Variants in C12orf42 observed in about 807,000 individuals in gnomAD.
C12orf42 encodes chromosome 12 open reading frame 42.
C12orf42 carries 25 observed loss-of-function variants against 21.6 expected under a neutral mutation model. The observed-to-expected ratio is 1.16, with a 90% CI of 0.84 to 1.62. The LOEUF (loss-of-function observed/expected upper bound fraction) is 1.62, where lower values mean the gene tolerates loss of function less well. C12orf42 is among the 40% of genes most tolerant of loss of function. The pLI, the probability that C12orf42 is intolerant of heterozygous loss-of-function variation, is 0.00. For synonymous variants in C12orf42, 174 were observed against 175.0 expected (o/e 0.99, Z 0.05); for missense variants, 483 against 459.3 (o/e 1.05, Z -0.47).
the C12orf42 span, among the ~76,000 whole-genome samples, chr12:103,060,631 T>C: frequency 2.0e-5 from 3 of 152,200 alleles, no homozygotes; most frequent in East Asian, 3.9e-4. Context: ...AACAGATATA[T>C]AGACCAATGG....
the C12orf42 span, among the ~76,000 whole-genome samples, chr12:103,141,253 T>C: frequency 1.3e-5 from 2 of 151,696 alleles, no homozygotes; most frequent in South Asian, 2.1e-4. Context: ...AAAAGAGAGA[T>C]TGGGGACAAT....
the C12orf42 span, among the ~76,000 whole-genome samples, chr12:103,209,908 T>C: frequency 1.8e-4 from 27 of 152,178 alleles, no homozygotes; most frequent in African/African-American, 6.5e-4. Flanking sequence ...AAATTTTGCT[T>C]TGATCAAAGA....
At chr12:103,180,772 G>A in the C12orf42 span, among the ~76,000 whole-genome samples, 1 of 151,104 alleles carries the variant, frequency 6.6e-6, no homozygotes, top group African/African-American at 2.4e-5. Flanking sequence ...GGGATTACAG[G>A]CATGTGCCAC....
chr12:103,121,974 T>TTATG, the C12orf42 span, among the ~76,000 whole-genome samples: 2 of 152,236 alleles, frequency 1.3e-5, no homozygotes, highest in African/African-American at 4.8e-5. Flanking sequence ...CCTCATTTTG[T>TTATG]TATGTATAGA....
chr12:103,505,551 A>T, the C12orf42 span: 2 of 373,570 alleles, frequency 5.4e-6, no homozygotes, highest in Non-Finnish European at 1.0e-5. Flanking sequence ...AGAAATGAAC[A>T]CATCTGAATG....
At chr12:103,253,825 G>GT (rs60659041) in intron 10 of C12orf42, among the ~76,000 whole-genome samples, 45,775 of 149,050 alleles carry the variant, frequency 0.31, 6,923 homozygotes, top group South Asian at 0.38. Flanking sequence ...TTTTTAATGG[G>GT]TTTTTTTTTT....
At chr12:103,068,934 C>CATATAT in the C12orf42 span, among the ~76,000 whole-genome samples, 26 of 48,130 alleles carry the variant, frequency 5.4e-4, no homozygotes, top group South Asian at 1.4e-3. Context: ...TCTCTCTCCA[C>CATATAT]ATATATATAT....
In C12orf42 at chr12:103,306,075, G is replaced by A; in HGVS notation, c.530C>T (p.Ala177Val). Residue 177 changes from alanine to valine, a missense_variant, in exon 5 of 6, where the codon GCA becomes GTA. By Grantham distance (64) the Ala-to-Val change is moderately conservative (BLOSUM62 0). Coordinates refer to ENST00000548883, the MANE Select transcript of C12orf42 (RefSeq NM_198521.5). ...LEQLVKKPNW[A>V]HSVNPVHLEA... is the part of the protein sequence containing the mutation. ...CAGGTGAACAGGATTTACTGAGTGT[G>A]CCCAGTTAGGCTTTTTAACCAGTTG... 6.2e-7 allele frequency: 1 copy of A among 1,613,978 alleles called. No homozygotes were observed.
rs1329565028 is a variant in C12orf42, at chr12:103,306,213, G to A, written c.392C>T (p.Pro131Leu). Reference sequence around the variant, plus strand: ...CTCATCAGTTTCACTGGATGGTGCTGGAGAGGAACGGAATTCTTCATAGCT... The same window carrying A: ...CTCATCAGTTTCACTGGATGGTGCTAGAGAGGAACGGAATTCTTCATAGCT... ...EESYEEFRSS[P>L]APSSETDEAP... The change falls in exon 5 of 6, where the codon CCA (proline) becomes CTA (leucine). Residue 131 changes from proline (P) to leucine (L), a missense_variant. Physicochemically the swap from Pro to Leu is moderately conservative, Grantham distance 98 (BLOSUM62 -3). Transcript: ENST00000548883. The A allele has an allele frequency of 6.2e-7, 1 of 1,613,804 alleles. No homozygotes were observed. The highest frequency in any genetic ancestry group is 2.2e-5 in the East Asian group (1 of 44,894).
the C12orf42 span, among the ~76,000 whole-genome samples, chr12:103,220,342 GTAT>G: frequency 1.3e-5 from 2 of 151,904 alleles, no homozygotes; most frequent in South Asian, 4.1e-4. Context: ...ATGTGTATAC[GTAT>G]GTAACAAACC....
At chr12:103,434,507 G>A (rs1210171240) in intron 2 of C12orf42, among the ~76,000 whole-genome samples, 1 of 152,148 alleles carries the variant, frequency 6.6e-6, no homozygotes, top group Non-Finnish European at 1.5e-5. Flanking sequence ...ATCTCACTAG[G>A]GAGTGCCAGA....
At chr12:103,316,265 A>AC (rs1297396183) in intron 4 of C12orf42, among the ~76,000 whole-genome samples, 1 of 151,972 alleles carries the variant, frequency 6.6e-6, no homozygotes, top group Non-Finnish European at 1.5e-5. Context: ...ACTTCTCATC[A>AC]GAAATCATGA....
intron 4 of C12orf42, among the ~76,000 whole-genome samples, chr12:103,306,582 G>A (rs1837345440): frequency 6.6e-6 from 1 of 152,230 alleles, no homozygotes; most frequent in East Asian, 1.9e-4. Flanking sequence ...TGAAGGCACC[G>A]TGTGAGGCCC....
the C12orf42 span, among the ~76,000 whole-genome samples, chr12:103,524,352 CGTTTCCAGCCACGCT>C: frequency 6.6e-6 from 1 of 152,158 alleles, no homozygotes; most frequent in African/African-American, 2.4e-5. Flanking sequence ...AGATTCCCAT[CGTTTCCAGCCACGCT>C]GCCTTGAGGC....
intron 10 of C12orf42, among the ~76,000 whole-genome samples, chr12:103,260,097 GAA>G (rs774965593): frequency 6.6e-6 from 1 of 150,646 alleles, no homozygotes; most frequent in Non-Finnish European, 1.5e-5. Context: ...TAAAATAGAA[GAA>G]AAAAAAATTG....
At chr12:103,345,707 C>T (rs2042559337) in intron 4 of C12orf42, among the ~76,000 whole-genome samples, 1 of 151,928 alleles carries the variant, frequency 6.6e-6, no homozygotes, top group Non-Finnish European at 1.5e-5. Flanking sequence ...TAAAAGCAAC[C>T]TAAATGTCCC....
chr12:103,151,050 C>G, the C12orf42 span, among the ~76,000 whole-genome samples: 1 of 152,080 alleles, frequency 6.6e-6, no homozygotes, highest in South Asian at 2.1e-4. Context: ...GCCTCAGCAC[C>G]CTGAGTAGCT....
the C12orf42 span, among the ~76,000 whole-genome samples, chr12:103,209,591 C>G: frequency 6.6e-6 from 1 of 152,166 alleles, no homozygotes; most frequent in African/African-American, 2.4e-5. Context: ...CTGACTCATA[C>G]TCACACAACG....
intron 4 of C12orf42, among the ~76,000 whole-genome samples, chr12:103,284,399 A>ATC (rs2036315454): frequency 6.6e-6 from 1 of 152,214 alleles, no homozygotes; most frequent in African/African-American, 2.4e-5. Flanking sequence ...CCAACCTTAT[A>ATC]GAGCTCTATT....
Sources: gnomAD v4.1 joint callset for allele counts (sites outside exome capture counted in the v4.1 genomes callset) on GRCh38, gnomAD v4.1.1 for gene constraint, MANE v1.5 for transcripts, NCBI Gene and HGNC (gene_info 2026-07-23, HGNC 2026-07-21) for gene names.